ZNF704: variants seen among roughly 807,000 people sequenced by gnomAD.
The protein encoded by ZNF704 is zinc finger protein 704.
In ZNF704, 10 loss-of-function variants were observed where a neutral mutation model predicts 44.7. The observed-to-expected ratio is 0.22, with a 90% confidence interval of 0.14 to 0.38. ZNF704 has a LOEUF of 0.38. Among genes scored for constraint, ZNF704 ranks in the 10% least tolerant of loss-of-function variants. The pLI, the probability that ZNF704 is intolerant of heterozygous loss-of-function variation, is 1.00. For synonymous variants in ZNF704, 211 were observed against 207.6 expected, an observed-to-expected ratio of 1.02 and a Z score of -0.14; for missense variants, 390 against 545.5, an observed-to-expected ratio of 0.71 and a Z score of 2.84.
chr8:80,758,602 T>C (rs895542885), intron 2 of ZNF704, among the ~76,000 whole-genome samples: 64 of 152,338 alleles, frequency 4.2e-4, no homozygotes, highest in African/African-American at 1.3e-3. Context: ...AATAATAAAA[T>C]AGCTAATACT....
intron 2 of ZNF704, among the ~76,000 whole-genome samples, chr8:80,717,183 T>C (rs985124825): frequency 2.6e-5 from 4 of 152,260 alleles, no homozygotes; most frequent in African/African-American, 7.2e-5. Context: ...TTCATGGTCA[T>C]TGCATCAACA....
rs990164423 is a variant in ZNF704 at position 80,631,528 on chromosome 8, G to A, written c.*9838C>T. 3.9e-5 allele frequency: 6 copies of A among 152,240 alleles called. No individual in the cohort carries two copies. Among genetic ancestry groups the A allele is most frequent in the Non-Finnish European group, 8.8e-5 (6 of 68,056 alleles). 9.4% of individuals were successfully genotyped at this position (152,240 alleles called of 1,614,324 possible). A position where few individuals can be genotyped will look rare whatever the true frequency, so the allele number is the denominator to read the frequency against. On this transcript the variant is annotated 3_prime_UTR_variant, in exon 9 of 9. Coordinates refer to ENST00000327835, the MANE Select transcript of ZNF704 (RefSeq NM_001033723.3). ...AGAGCCTGGAGTAATTAAACATGGA[G>A]CCCTCTTGCTCTGTCCTCATTGTCC...
At chr8:80,768,056 G>A (rs1807257649) in intron 2 of ZNF704, among the ~76,000 whole-genome samples, 1 of 152,064 alleles carries the variant, frequency 6.6e-6, no homozygotes, top group Non-Finnish European at 1.5e-5. Context: ...GTGGCCCAAG[G>A]GCATGCATGT....
At chr8:80,812,991 G>A (rs1338600421) in intron 2 of ZNF704, among the ~76,000 whole-genome samples, 1 of 152,154 alleles carries the variant, frequency 6.6e-6, no homozygotes, top group African/African-American at 2.4e-5. Context: ...GAAAAAAGAT[G>A]CTGCATCACA....
upstream of ZNF704, among the ~76,000 whole-genome samples, chr8:80,878,389 A>G (rs2130099897): frequency 6.6e-6 from 1 of 152,298 alleles, no homozygotes; most frequent in Admixed American, 6.5e-5. Flanking sequence ...ATGTTTCCAA[A>G]ATCAAGAGGT....
At chr8:80,839,142 C>A (rs540125314) in intron 1 of ZNF704, among the ~76,000 whole-genome samples, 2 of 152,296 alleles carry the variant, frequency 1.3e-5, no homozygotes, top group Admixed American at 6.5e-5. Context: ...GTTTCAACTT[C>A]TTTCAATAAA....
intron 4 of ZNF704, among the ~76,000 whole-genome samples, chr8:80,672,918 T>C (rs1563513776): frequency 6.6e-6 from 1 of 151,840 alleles, no homozygotes; most frequent in Non-Finnish European, 1.5e-5. Flanking sequence ...AAAATAAAAG[T>C]TGAACTTAAA....
At chr8:80,746,093 T>C (rs1017918461) in intron 2 of ZNF704, among the ~76,000 whole-genome samples, 2 of 152,196 alleles carry the variant, frequency 1.3e-5, no homozygotes, top group East Asian at 3.8e-4. Context: ...ATTAAACAAA[T>C]GTCTACTTTA....
Position 80,630,391 on chromosome 8 carries a change from AT to A in ZNF704, c.*10974del, listed in dbSNP as rs1296309362. The A allele has an allele frequency of 6.6e-6, 1 of 152,198 alleles. No homozygotes were observed. The highest frequency in any genetic ancestry group is 6.5e-5 in the Admixed American group (1 of 15,284). 9.4% of individuals were successfully genotyped at this position (152,198 alleles called of 1,614,324 possible). A position where few individuals can be genotyped will look rare whatever the true frequency, so the allele number is the denominator to read the frequency against. ...CAGGAAGGACTGCTGTTTTCTCTTC[AT>A]TCTTTCTCCTTTACTTGTTTAGCAG... On this transcript the variant is annotated 3_prime_UTR_variant, in exon 9 of 9. Coordinates refer to ENST00000327835, the MANE Select transcript of ZNF704 (RefSeq NM_001033723.3).
At chr8:80,780,778 T>C (rs1411765137) in intron 2 of ZNF704, among the ~76,000 whole-genome samples, 1 of 152,060 alleles carries the variant, frequency 6.6e-6, no homozygotes, top group Non-Finnish European at 1.5e-5. Flanking sequence ...AATGGGTTCT[T>C]TCCCTAGACC....
At chr8:80,808,605 G>T (rs918113655) in intron 2 of ZNF704, among the ~76,000 whole-genome samples, 2 of 152,100 alleles carry the variant, frequency 1.3e-5, no homozygotes, top group Non-Finnish European at 2.9e-5. Flanking sequence ...TTCTATTATG[G>T]TTAAGAAGCC....
chr8:80,870,596 T>G (rs903842419), intron 1 of ZNF704, among the ~76,000 whole-genome samples: 1 of 152,218 alleles, frequency 6.6e-6, no homozygotes, highest in Non-Finnish European at 1.5e-5. Flanking sequence ...CTTGGCTTAT[T>G]GGACTTTAGA....
upstream of ZNF704, among the ~76,000 whole-genome samples, chr8:80,877,442 C>T (rs1295280838): frequency 6.6e-6 from 1 of 152,182 alleles, no homozygotes; most frequent in Non-Finnish European, 1.5e-5. Flanking sequence ...GATGTGGGCA[C>T]ATGACACACT....
At chr8:80,748,109 C>T (rs1450183928) in intron 2 of ZNF704, among the ~76,000 whole-genome samples, 2 of 152,320 alleles carry the variant, frequency 1.3e-5, no homozygotes, top group Middle Eastern at 3.4e-3. Context: ...GAAGGCTATA[C>T]TCCATCTTCA....
intron 2 of ZNF704, among the ~76,000 whole-genome samples, chr8:80,765,789 T>C (rs1379529186): frequency 6.6e-6 from 1 of 152,176 alleles, no homozygotes; most frequent in Non-Finnish European, 1.5e-5. Flanking sequence ...ATCTCTTCAT[T>C]AGATCATAAA....
intron 1 of ZNF704, among the ~76,000 whole-genome samples, chr8:80,846,805 G>A (rs1460122506): frequency 1.3e-5 from 2 of 152,080 alleles, no homozygotes; most frequent in Non-Finnish European, 2.9e-5. Context: ...AAGATTGCAG[G>A]ATACAAGATC....
At chr8:80,680,411 C>T (rs1818434988) in intron 4 of ZNF704, among the ~76,000 whole-genome samples, 1 of 148,496 alleles carries the variant, frequency 6.7e-6, no homozygotes, top group Admixed American at 6.8e-5. Context: ...TTTGGAATGG[C>T]AGGGCAGGGA....
rs138322511 is a variant in ZNF704 at position 80,687,283 on chromosome 8, G to A, written c.501C>T (p.Ile167=). Reference sequence around the variant, plus strand: ...GCAGGTTGCTGGCCTCCGCCTCGTCGATGCCGTCGTCTGGCTGCGCGGGGC... The same window carrying A: ...GCAGGTTGCTGGCCTCCGCCTCGTCAATGCCGTCGTCTGGCTGCGCGGGGC... The part of the protein sequence containing the change: ...FRSPAQPDDG[I]DEAEASNLLF... The change falls in exon 4 of 9, where the codon ATC becomes ATT. Residue 167 remains isoleucine, a synonymous_variant. Coordinates refer to ENST00000327835, the MANE Select transcript of ZNF704 (RefSeq NM_001033723.3). 5.4e-5 allele frequency: 87 copies of A among 1,613,028 alleles called. No homozygotes were observed. The highest frequency in any genetic ancestry group is 7.1e-5 in the Non-Finnish European group (84 of 1,179,856).
Position 80,817,651 on chromosome 8 carries a change from G to C in ZNF704, c.221+3723C>G, listed in dbSNP as rs1227657867. 5.9e-5 allele frequency among the ~76,000 whole-genome samples: 9 copies of C among 152,196 alleles called. No individual in the cohort carries two copies. In the East Asian group the frequency reaches 1.2e-3, roughly 20 times the overall value. ...AACTTACTTAAATTTATATTTTTCT[G>C]AAACTAGCAACTTTAAAATTGGTTC... On this transcript the variant is annotated intron_variant, in intron 2 of 8. Transcript: ENST00000327835.
Sources: allele counts gnomAD v4.1 joint callset (sites outside exome capture counted in the v4.1 genomes callset), GRCh38; gene constraint gnomAD v4.1.1; transcripts MANE v1.5; gene names NCBI Gene and HGNC (gene_info 2026-07-23, HGNC 2026-07-21).